Variants in CBFA2T2 observed in about 807,000 individuals in gnomAD.
The protein encoded by CBFA2T2 is protein CBFA2T2.
Under a neutral mutation model 62.2 loss-of-function variants are expected in CBFA2T2, and 11 were observed. That is an observed-to-expected ratio of 0.18 (90% CI 0.11 to 0.29). CBFA2T2 has a LOEUF of 0.29. CBFA2T2 is among the 10% of genes least tolerant of loss of function. CBFA2T2 has a pLI of 1.00. For missense variants in CBFA2T2, 592 were observed against 774.1 expected, an observed-to-expected ratio of 0.76 and a Z score of 2.79; for synonymous variants, 295 against 287.5, an observed-to-expected ratio of 1.03 and a Z score of -0.27.
intron 1 of CBFA2T2, among the ~76,000 whole-genome samples, chr20:33,493,079 T>G (rs571508696): frequency 1.0e-4 from 15 of 146,328 alleles, no homozygotes; most frequent in South Asian, 2.2e-4. Context: ...TTTTTTTTTT[T>G]TTTTTTTTTT....
At chr20:33,591,179 C>CAA (rs80021195) in intron 1 of CBFA2T2, among the ~76,000 whole-genome samples, 2 of 82,052 alleles carry the variant, frequency 2.4e-5, no homozygotes, top group East Asian at 5.2e-4. Context: ...AACTCCCTCT[C>CAA]AAAAAAAAAA....
rs1277269953 is a variant in CBFA2T2, at chr20:33,592,382, ATATATATATAATTATGTAAAAAT to A, written c.35-14542_35-14520del. Among the ~76,000 whole-genome samples, 7 of 142,612 alleles carry A rather than the reference ATATATATATAATTATGTAAAAAT, an allele frequency of 4.9e-5. No individual in the cohort carries two copies. The South Asian group carries it at 6.6e-4, about 13-fold the overall frequency. The allele number at this position is 142,612 out of a possible 152,430, so 93.6% of individuals were successfully genotyped here. On this transcript the variant is annotated intron_variant, in intron 1 of 10. Coordinates refer to ENST00000342704, the MANE Select transcript of CBFA2T2 (RefSeq NM_001032999.3). ...CTGTCTCAAAAAAAATTTTATATAT[ATATATATATAATTATGTAAAAAT>A]TATATATATAATTATGTAAAAATTA...
intron 1 of CBFA2T2, among the ~76,000 whole-genome samples, chr20:33,509,956 G>T (rs1373004646): frequency 1.3e-5 from 2 of 151,536 alleles, no homozygotes; most frequent in African/African-American, 4.9e-5. Flanking sequence ...TTCTCCTAAT[G>T]CTATCCTGCC....
intron 1 of CBFA2T2, among the ~76,000 whole-genome samples, chr20:33,493,861 C>G (rs1014287268): frequency 6.6e-6 from 1 of 152,008 alleles, no homozygotes; most frequent in African/African-American, 2.4e-5. Context: ...CACACACATT[C>G]TATGAATGTT....
intron 2 of CBFA2T2, 59 bp downstream of exon 2, chr20:33,607,158 T>G: frequency 2.6e-6 from 4 of 1,533,036 alleles, no homozygotes; most frequent in Non-Finnish European, 1.8e-6. Context: ...TCTAAGTGAC[T>G]GACTTGTATG....
chr20:33,562,643 A>T, intron 1 of CBFA2T2: 1 of 985,532 alleles, frequency 1.0e-6, no homozygotes, highest in Admixed American at 6.1e-5. Flanking sequence ...TGTATTTAAG[A>T]ATCTGGATTG....
chr20:33,619,453 G>T (rs1004756025), intron 3 of CBFA2T2, 64 bp from the exon 4 acceptor site: 1 of 757,678 alleles, frequency 1.3e-6, no homozygotes, highest in Non-Finnish European at 2.1e-6. Flanking sequence ...AAAAAGAAGA[G>T]TTTGGCACTA....
At chr20:33,551,539 T>TTTG (rs201907623) in intron 1 of CBFA2T2, among the ~76,000 whole-genome samples, 1 of 151,506 alleles carries the variant, frequency 6.6e-6, no homozygotes, top group Non-Finnish European at 1.5e-5. Context: ...CCATCAATGT[T>TTTG]TTGTTGTTGT....
chr20:33,490,737 C>G (rs1158131214), intron 1 of CBFA2T2, among the ~76,000 whole-genome samples: 1 of 152,206 alleles, frequency 6.6e-6, no homozygotes, highest in Non-Finnish European at 1.5e-5. Context: ...AGTTGGCTAC[C>G]TGGGTTCACA....
At chr20:33,536,095 C>T (rs939289640) in intron 1 of CBFA2T2, among the ~76,000 whole-genome samples, 5 of 152,222 alleles carry the variant, frequency 3.3e-5, no homozygotes, top group African/African-American at 9.6e-5. Flanking sequence ...GGCAACCATC[C>T]GATTTCCCAA....
At chr20:33,561,785 T>G (rs773089575) in intron 1 of CBFA2T2, among the ~76,000 whole-genome samples, 29 of 152,234 alleles carry the variant, frequency 1.9e-4, no homozygotes, top group Non-Finnish European at 3.7e-4. Flanking sequence ...GTCCCCATCT[T>G]CCATTTATAA....
intron 1 of CBFA2T2, among the ~76,000 whole-genome samples, chr20:33,545,717 G>A (rs2146881286): frequency 6.6e-6 from 1 of 152,252 alleles, no homozygotes; most frequent in South Asian, 2.1e-4. Flanking sequence ...CAAAATGCTG[G>A]GATTACAGGC....
chr20:33,505,332 GTC>G (rs1458489733), intron 1 of CBFA2T2, among the ~76,000 whole-genome samples: 24 of 152,194 alleles, frequency 1.6e-4, no homozygotes, highest in Non-Finnish European at 2.9e-4. Flanking sequence ...CTTTTCACCT[GTC>G]TACCTGAAAA....
At chr20:33,620,615 A>G (rs1472122715) in intron 4 of CBFA2T2, among the ~76,000 whole-genome samples, 1 of 152,234 alleles carries the variant, frequency 6.6e-6, no homozygotes, top group African/African-American at 2.4e-5. Context: ...CGAGGCAGGC[A>G]GATTACCTGA....
chr20:33,627,405 A>T (rs1010477825), intron 6 of CBFA2T2, among the ~76,000 whole-genome samples: 1 of 150,192 alleles, frequency 6.7e-6, no homozygotes, highest in East Asian at 1.9e-4. Flanking sequence ...AGGGGGGGGA[A>T]AAAAACTGGC....
intron 1 of CBFA2T2, among the ~76,000 whole-genome samples, chr20:33,494,258 TATATATATATATATA>T (rs1263129772): frequency 1.3e-5 from 1 of 78,154 alleles, no homozygotes; most frequent in African/African-American, 5.5e-5. Context: ...TATATATATA[TATATATATATATATA>T]TTTTTTTTTT....
intron 1 of CBFA2T2, among the ~76,000 whole-genome samples, chr20:33,585,729 A>G (rs1225012021): frequency 6.6e-6 from 1 of 152,238 alleles, no homozygotes; most frequent in Non-Finnish European, 1.5e-5. Context: ...CTAGTACATT[A>G]GTAATTGGAT....
chr20:33,514,674 A>T (rs2011569910), intron 1 of CBFA2T2, among the ~76,000 whole-genome samples: 1 of 151,638 alleles, frequency 6.6e-6, no homozygotes, highest in East Asian at 1.9e-4. Flanking sequence ...TTTTAAAGAG[A>T]TTGCTTTTAT....
chr20:33,500,071 C>T (rs2011252846), intron 1 of CBFA2T2, among the ~76,000 whole-genome samples: 1 of 151,940 alleles, frequency 6.6e-6, no homozygotes, highest in Admixed American at 6.6e-5. Context: ...CAGTTCTGTG[C>T]CTCAGCCTCC....
Sources: gnomAD v4.1 joint callset for allele counts (sites outside exome capture counted in the v4.1 genomes callset) on GRCh38, gnomAD v4.1.1 for gene constraint, MANE v1.5 for transcripts, NCBI Gene and HGNC (gene_info 2026-07-23, HGNC 2026-07-21) for gene names.